RYR2: variants seen among roughly 807,000 people sequenced by gnomAD.
RYR2 encodes the protein cardiac muscle ryanodine receptor-calcium release channel.
A neutral mutation model predicts 601.1 loss-of-function variants in RYR2; 227 were observed. The ratio of observed to expected loss-of-function variants is 0.38; its 90% CI spans 0.34 to 0.42. The LOEUF (loss-of-function observed/expected upper bound fraction) is 0.42, where lower values mean the gene tolerates loss of function less well. Ranked by LOEUF, RYR2 falls within the 10% of genes least tolerant of loss-of-function variation. RYR2 has a pLI of 1.00. For missense variants in RYR2, 4,646 were observed against 6,156.5 expected (o/e 0.75, Z 8.21); for synonymous variants, 2,223 against 2,175.1 (o/e 1.02, Z -0.61).
At chr1:237,646,504 A>T (rs1195806882) in intron 48 of RYR2, among the ~76,000 whole-genome samples, 1 of 152,102 alleles carries the variant, frequency 6.6e-6, no homozygotes, top group South Asian at 2.1e-4. Context: ...TGACAACTCA[A>T]TTGGTCTATA....
intron 1 of RYR2, among the ~76,000 whole-genome samples, chr1:237,127,180 ACTT>A (rs1183573732): frequency 1.3e-5 from 2 of 152,128 alleles, no homozygotes; most frequent in African/African-American, 4.8e-5. Flanking sequence ...TCCCATGTCT[ACTT>A]CTTTCTACAC....
intron 97 of RYR2, among the ~76,000 whole-genome samples, chr1:237,798,803 T>C (rs986131290): frequency 5.6e-5 from 7 of 125,668 alleles, no homozygotes; most frequent in Non-Finnish European, 1.2e-4. Context: ...CACACACACA[T>C]ATAGTGTGAG....
At chr1:237,737,456 A>C (rs541364710) in intron 79 of RYR2, among the ~76,000 whole-genome samples, 2 of 152,318 alleles carry the variant, frequency 1.3e-5, no homozygotes, top group Admixed American at 1.3e-4. Context: ...CTGTACCCTC[A>C]CTTGCACTGC....
At chr1:237,554,517 TTTCTC>T (rs938077608) in intron 27 of RYR2, among the ~76,000 whole-genome samples, 2 of 151,972 alleles carry the variant, frequency 1.3e-5, no homozygotes, top group Non-Finnish European at 2.9e-5. Context: ...AGTAGGAAAT[TTTCTC>T]TTCTGTTTTC....
At chr1:237,779,905 A>AAGTT (rs771921111) in intron 88 of RYR2, among the ~76,000 whole-genome samples, 13 of 152,176 alleles carry the variant, frequency 8.5e-5, no homozygotes, top group African/African-American at 1.2e-4. Flanking sequence ...GAGGAGTGAA[A>AAGTT]AGTTACAAAA....
chr1:237,601,832 G>A (rs544376614), intron 34 of RYR2, among the ~76,000 whole-genome samples, 193 bp from the exon 35 acceptor site: 23 of 152,248 alleles, frequency 1.5e-4, no homozygotes, highest in Admixed American at 3.9e-4. Context: ...AGAGTAAACA[G>A]AGTATGTTCC....
chr1:237,177,700 A>G (rs1226915036), intron 1 of RYR2, among the ~76,000 whole-genome samples: 2 of 152,170 alleles, frequency 1.3e-5, no homozygotes, highest in African/African-American at 4.8e-5. Flanking sequence ...ACTACTGTTG[A>G]TGGTCATTAG....
At chr1:237,583,770 A>T (rs1405624425) in intron 29 of RYR2, among the ~76,000 whole-genome samples, 1 of 152,156 alleles carries the variant, frequency 6.6e-6, no homozygotes, top group African/African-American at 2.4e-5. Context: ...TGTAGCCCCA[A>T]ACAGAGATTT....
chr1:237,370,366 T>A (rs1007324900), intron 6 of RYR2, among the ~76,000 whole-genome samples: 87 of 152,176 alleles, frequency 5.7e-4, no homozygotes, highest in African/African-American at 2.0e-3. Flanking sequence ...ATTTTTTGTA[T>A]GTATTATATA....
chr1:237,202,171 A>G (rs1353104792), intron 1 of RYR2, among the ~76,000 whole-genome samples: 2 of 152,198 alleles, frequency 1.3e-5, no homozygotes, highest in African/African-American at 2.4e-5. Flanking sequence ...TACTTATACA[A>G]TTTGCATTAA....
chr1:237,402,583 A>G (rs1049345851), intron 10 of RYR2, among the ~76,000 whole-genome samples: 1 of 152,196 alleles, frequency 6.6e-6, no homozygotes, highest in Non-Finnish European at 1.5e-5. Context: ...GAATTGGTGA[A>G]CTGGAAATCA....
intron 1 of RYR2, among the ~76,000 whole-genome samples, chr1:237,128,998 T>C (rs1283253700): frequency 1.3e-5 from 2 of 152,134 alleles, no homozygotes; most frequent in African/African-American, 4.8e-5. Context: ...AAGAGTAGCT[T>C]TGAGTGGGAA....
intron 1 of RYR2, among the ~76,000 whole-genome samples, chr1:237,069,900 T>C (rs1359433668): frequency 6.6e-6 from 1 of 152,224 alleles, no homozygotes; most frequent in Non-Finnish European, 1.5e-5. Flanking sequence ...GAAATGCACA[T>C]AGAGTATGGC....
chr1:237,454,796 T>C (rs1057349163), intron 15 of RYR2, among the ~76,000 whole-genome samples: 4 of 152,220 alleles, frequency 2.6e-5, no homozygotes, highest in African/African-American at 9.6e-5. Flanking sequence ...AATCTTTTCA[T>C]TCTCCTGGCA....
chr1:237,302,808 ATC>A (rs985087806), intron 2 of RYR2, among the ~76,000 whole-genome samples: 1 of 152,202 alleles, frequency 6.6e-6, no homozygotes, highest in Admixed American at 6.5e-5. Context: ...TGAAATAAAT[ATC>A]TCTGGACACT....
chr1:237,263,969 C>A (rs1688781990), intron 1 of RYR2, among the ~76,000 whole-genome samples: 1 of 152,006 alleles, frequency 6.6e-6, no homozygotes, highest in African/African-American at 2.4e-5. Context: ...GTGATAGGGG[C>A]TGCTATTTTA....
intron 38 of RYR2, among the ~76,000 whole-genome samples, chr1:237,623,020 T>C (rs1300783672): frequency 6.6e-6 from 1 of 152,214 alleles, no homozygotes; most frequent in African/African-American, 2.4e-5. Context: ...TCTGTGTTCT[T>C]CTCAAAAAGA....
Position 237,042,328 on chromosome 1 carries a change from C to T in RYR2, c.-194C>T, listed in dbSNP as rs1327235171. 3.0e-6 allele frequency: 1 copy of T among 334,412 alleles called. No homozygotes were observed. The highest frequency in any genetic ancestry group is 4.9e-6 in the Non-Finnish European group (1 of 205,154). The allele number at this position is 334,412 out of a possible 1,614,324, so 20.7% of individuals were successfully genotyped here. A position where few individuals can be genotyped will look rare whatever the true frequency, so the allele number is the denominator to read the frequency against. On this transcript the variant is annotated 5_prime_UTR_variant, in exon 1 of 105. Coordinates refer to ENST00000366574, the MANE Select transcript of RYR2 (RefSeq NM_001035.3). ...GGAGCAGGGAGGCCCCGCGCCTCGA[C>T]CACCCGCGCCCGAGCGTCCGCGCCT...
intron 63 of RYR2, among the ~76,000 whole-genome samples, chr1:237,695,755 C>T (rs959449883): frequency 1.4e-4 from 22 of 152,188 alleles, no homozygotes; most frequent in African/African-American, 5.1e-4. Flanking sequence ...GGGATTGACA[C>T]TTTTGCCTGG....
Sources: gnomAD v4.1 joint callset for allele counts (sites outside exome capture counted in the v4.1 genomes callset) on GRCh38, gnomAD v4.1.1 for gene constraint, MANE v1.5 for transcripts, NCBI Gene and HGNC (gene_info 2026-07-23, HGNC 2026-07-21) for gene names.